Variants in DNMT3A observed in about 807,000 individuals in gnomAD.
DNMT3A encodes DNA methyltransferase 3 alpha.
Under a neutral mutation model 117.6 loss-of-function variants are expected in DNMT3A, and 267 were observed. That is an observed-to-expected ratio of 2.27 (90% CI 2.05 to 2.51). The LOEUF (loss-of-function observed/expected upper bound fraction) is 2.51, where lower values mean the gene tolerates loss of function less well. DNMT3A is among the 30% of genes most tolerant of loss of function. DNMT3A has a pLI of 0.00. For missense variants in DNMT3A, 1,029 were observed against 1,260.2 expected, an observed-to-expected ratio of 0.82 and a Z score of 2.78; for synonymous variants, 432 against 474.8, an observed-to-expected ratio of 0.91 and a Z score of 1.17.
At chr2:25,244,097 C>A (rs1674416500) in intron 15 of DNMT3A, 58 bp downstream of exon 15, 55 of 1,610,498 alleles carry the variant, frequency 3.4e-5, no homozygotes, top group Non-Finnish European at 4.5e-5. Flanking sequence ...CAGCTCAGGC[C>A]CCACAACCAA....
intron 16 of DNMT3A, among the ~76,000 whole-genome samples, chr2:25,242,378 A>T (rs545738743): frequency 1.3e-5 from 2 of 152,110 alleles, no homozygotes; most frequent in Admixed American, 1.3e-4. Flanking sequence ...CAAGGAAACA[A>T]TCAGAGCAGA....
intron 6 of DNMT3A, among the ~76,000 whole-genome samples, chr2:25,263,741 A>G (rs1034813630): frequency 6.6e-6 from 1 of 152,154 alleles, no homozygotes; most frequent in Non-Finnish European, 1.5e-5. Flanking sequence ...CTAGACTCCA[A>G]ACTCCTAGAG....
At chr2:25,328,252 T>C (rs1269320496) in intron 1 of DNMT3A, among the ~76,000 whole-genome samples, 2 of 152,204 alleles carry the variant, frequency 1.3e-5, no homozygotes, top group Admixed American at 1.3e-4. Context: ...GCACACGTGG[T>C]AAAATATACG....
intron 1 of DNMT3A, among the ~76,000 whole-genome samples, chr2:25,322,488 C>T (rs1238734726): frequency 6.6e-6 from 1 of 151,622 alleles, no homozygotes; most frequent in Non-Finnish European, 1.5e-5. Flanking sequence ...ATCCTCCAAA[C>T]ACATCATTCC....
At chr2:25,270,315 T>A (rs1286408289) in intron 6 of DNMT3A, among the ~76,000 whole-genome samples, 1 of 152,326 alleles carries the variant, frequency 6.6e-6, no homozygotes, top group East Asian at 1.9e-4. Context: ...AGCATTCGTC[T>A]ACGCCCCATT....
rs746285241 is a variant in DNMT3A at position 25,274,926 on chromosome 2, C to G, written c.639+15G>C. On this transcript the variant is annotated intron_variant, in intron 6 of 22. Coordinates refer to ENST00000321117, the MANE Select transcript of DNMT3A (RefSeq NM_022552.5). ...CTGCAGGACGGGCTGGGGCCCAGGC[C>G]AGAAGGCGCCTCACCTCCCTTTTCC... 16 of 1,602,584 alleles carry G rather than the reference C, an allele frequency of 1.0e-5. No individual in the cohort carries two copies. Among genetic ancestry groups the G allele is most frequent in the Non-Finnish European group, 1.4e-5 (16 of 1,171,876 alleles).
intron 2 of DNMT3A, among the ~76,000 whole-genome samples, chr2:25,302,602 A>C (rs2033581012): frequency 6.6e-6 from 1 of 152,194 alleles, no homozygotes. Context: ...GGGAGCCTTC[A>C]TGAGGGCTCA....
At position 25,248,067 on chromosome 2, in the gene DNMT3A, G is replaced by A. The variant is rs768204827; in HGVS notation, c.825C>T (p.Thr275=). 6 of 1,612,598 alleles carry A rather than the reference G, an allele frequency of 3.7e-6. No homozygotes were observed. The South Asian group carries it at 6.6e-5, about 18-fold the overall frequency. The change falls in exon 7 of 23, where the codon ACC becomes ACT. Residue 275 remains threonine, a synonymous_variant. Coordinates refer to ENST00000321117, the MANE Select transcript of DNMT3A (RefSeq NM_022552.5). ...VGSDAGDKNA[T]KAGDDEPEYE... ...ACTCTGGCTCGTCATCGCCTGCTTT[G>A]GTGGCATTCTTGTCCCCAGCATCGG...
chr2:25,309,825 G>A (rs1390163931), intron 2 of DNMT3A, among the ~76,000 whole-genome samples: 5 of 152,142 alleles, frequency 3.3e-5, no homozygotes, highest in South Asian at 2.1e-4. Flanking sequence ...AGGCCGAGGC[G>A]GGTGGATCAT....
intron 6 of DNMT3A, among the ~76,000 whole-genome samples, chr2:25,250,190 AGG>A (rs1491244704): frequency 6.6e-6 from 1 of 152,210 alleles, no homozygotes; most frequent in Non-Finnish European, 1.5e-5. Flanking sequence ...CCCAGATCCA[AGG>A]GTCCCAGGTT....
chr2:25,278,001 T>C (rs952308517), intron 4 of DNMT3A, among the ~76,000 whole-genome samples: 3 of 90,500 alleles, frequency 3.3e-5, no homozygotes, highest in African/African-American at 1.1e-4. Flanking sequence ...ACTTGAGTGA[T>C]CACACACACA....
rs1406886088 is a variant in DNMT3A at position 25,257,942 on chromosome 2, T to C, written c.640-9690A>G. Among the ~76,000 whole-genome samples, 2 of 152,092 alleles carry C rather than the reference T, an allele frequency of 1.3e-5. No homozygotes were observed. The highest frequency in any genetic ancestry group is 4.8e-5 in the African/African-American group (2 of 41,412). On this transcript the variant is annotated intron_variant, in intron 6 of 22. Transcript: ENST00000321117. This position sits in a 1 kb window ranked among gnomAD's most constrained non-coding sequence, Gnocchi z 4.8. The stretch of plus-strand genomic sequence containing the variant: ...AGAGCAATTCACTGGAGAGAAGTGG[T>C]CTGGAGAGAGGAGGGGAAGCAGAAG...
Position 25,314,107 on chromosome 2 carries a change from C to G in DNMT3A, c.-123G>C. ...TTAAACATAGATCCCGGTGTTGAGC[C>G]CTCTGGTGAACGGTGCCTCTGTCAG... On this transcript the variant is annotated 5_prime_UTR_variant, in exon 2 of 23. Coordinates refer to ENST00000321117, the MANE Select transcript of DNMT3A (RefSeq NM_022552.5). 1 of 1,432,770 alleles carries G rather than the reference C, an allele frequency of 7.0e-7. No homozygotes were observed. The allele number at this position is 1,432,770 out of a possible 1,614,324, so 88.8% of individuals were successfully genotyped here.
intron 3 of DNMT3A, among the ~76,000 whole-genome samples, chr2:25,288,451 T>C (rs2032492274): frequency 6.6e-6 from 1 of 151,368 alleles, no homozygotes; most frequent in South Asian, 2.1e-4. Flanking sequence ...TGGTGTTATC[T>C]CAGCTGACTG....
chr2:25,245,123 A>C (rs1343509072), intron 13 of DNMT3A, 130 bp downstream of exon 13: 13 of 785,974 alleles, frequency 1.7e-5, no homozygotes, highest in Non-Finnish European at 2.5e-5. Flanking sequence ...CTTCCAGAGG[A>C]AGCTCTGAAG....
At chr2:25,276,310 G>T (rs1297790706) in intron 4 of DNMT3A, among the ~76,000 whole-genome samples, 1 of 151,980 alleles carries the variant, frequency 6.6e-6, no homozygotes, top group East Asian at 1.9e-4. Context: ...ACCTCTCCTG[G>T]CCTGTTTTCC....
At chr2:25,310,472 C>T (rs1299415545) in intron 2 of DNMT3A, among the ~76,000 whole-genome samples, 1 of 152,068 alleles carries the variant, frequency 6.6e-6, no homozygotes, top group Non-Finnish European at 1.5e-5. Context: ...ATATGGATGG[C>T]GGGTAGGGCA....
chr2:25,310,455 G>GC (rs928539239), intron 2 of DNMT3A, among the ~76,000 whole-genome samples: 6 of 151,900 alleles, frequency 3.9e-5, no homozygotes, highest in Non-Finnish European at 5.9e-5. Context: ...GCCCTGCTCT[G>GC]CCCACCATAT....
At position 25,311,320 on chromosome 2, in the gene DNMT3A, A is replaced by G. The variant is rs2034105924; in HGVS notation, c.72+2593T>C. ...AGCCTGTGTCTTCCCCTCTGCAGCT[A>G]CCAGCACCCCTGCCGCAGGCCTGGC... is the stretch of plus-strand genomic sequence containing the variant. On this transcript the variant is annotated intron_variant, in intron 2 of 22. Transcript: ENST00000321117. The surrounding 1 kb of genome is among the most constrained non-coding windows in gnomAD (Gnocchi z 5.2). Among the ~76,000 whole-genome samples, 1 of 152,170 alleles carries G rather than the reference A, an allele frequency of 6.6e-6. No homozygotes were observed. The highest frequency in any genetic ancestry group is 2.1e-4 in the South Asian group (1 of 4,832).
Sources: gnomAD v4.1 joint callset for allele counts (sites outside exome capture counted in the v4.1 genomes callset) on GRCh38, gnomAD v4.1.1 for gene constraint, Gnocchi (gnomAD v3.1) non-coding constraint, MANE v1.5 for transcripts, NCBI Gene and HGNC (gene_info 2026-07-23, HGNC 2026-07-21) for gene names.